Variants in HPSE2 observed in about 807,000 individuals in gnomAD.
HPSE2 encodes inactive heparanase-2.
HPSE2 carries 38 observed loss-of-function variants against 60.5 expected under a neutral mutation model. The ratio of observed to expected loss-of-function variants is 0.63; its 90% confidence interval spans 0.48 to 0.82. The LOEUF (loss-of-function observed/expected upper bound fraction) is 0.82. Ranked by LOEUF, HPSE2 falls within the 40% of genes least tolerant of loss-of-function variation. The pLI, the probability that HPSE2 is intolerant of heterozygous loss-of-function variation, is 0.00. For synonymous variants in HPSE2, 295 were observed against 293.2 expected, an observed-to-expected ratio of 1.01 and a Z score of -0.06; for missense variants, 713 against 740.4, an observed-to-expected ratio of 0.96 and a Z score of 0.43.
chr10:98,530,856 G>C (rs1212493841), intron 9 of HPSE2, among the ~76,000 whole-genome samples: 1 of 152,128 alleles, frequency 6.6e-6, no homozygotes, highest in African/African-American at 2.4e-5. Context: ...ACTCCAGGAG[G>C]AGCGAGTAGA....
intron 3 of HPSE2, among the ~76,000 whole-genome samples, chr10:98,960,395 T>C (rs533213692): frequency 6.6e-6 from 1 of 152,264 alleles, no homozygotes; most frequent in Admixed American, 6.5e-5. Context: ...AACTGAATTG[T>C]TTTTCCATTT....
intron 2 of HPSE2, among the ~76,000 whole-genome samples, chr10:99,229,684 T>C (rs1849584456): frequency 6.6e-6 from 1 of 152,180 alleles, no homozygotes; most frequent in Non-Finnish European, 1.5e-5. Flanking sequence ...AATTCCATTT[T>C]CTCTTCACTG....
At chr10:99,058,927 A>G (rs1958173102) in intron 3 of HPSE2, among the ~76,000 whole-genome samples, 1 of 152,178 alleles carries the variant, frequency 6.6e-6, no homozygotes, top group South Asian at 2.1e-4. Flanking sequence ...AGGCTTTGTG[A>G]GCCATATGGG....
At chr10:98,544,062 T>C (rs978237457) in intron 9 of HPSE2, among the ~76,000 whole-genome samples, 8 of 151,394 alleles carry the variant, frequency 5.3e-5, no homozygotes, top group Non-Finnish European at 8.8e-5. Context: ...TATTCCAAAA[T>C]TGACCACATA....
At chr10:99,225,785 T>C (rs1223479731) in intron 2 of HPSE2, among the ~76,000 whole-genome samples, 3 of 152,042 alleles carry the variant, frequency 2.0e-5, no homozygotes, top group Non-Finnish European at 2.9e-5. Flanking sequence ...AATTCCATTT[T>C]ACTATGCCTA....
At chr10:98,734,275 C>T (rs1949296217) in intron 4 of HPSE2, among the ~76,000 whole-genome samples, 1 of 152,090 alleles carries the variant, frequency 6.6e-6, no homozygotes, top group African/African-American at 2.4e-5. Flanking sequence ...AGGTTGTTTC[C>T]ACTTTTTTTG....
chr10:98,989,397 C>G (rs1211595024), intron 3 of HPSE2, among the ~76,000 whole-genome samples: 16 of 148,586 alleles, frequency 1.1e-4, no homozygotes, highest in Admixed American at 8.3e-4. Context: ...ATCGCAAGGA[C>G]AAAAAACCAA....
chr10:98,687,252 G>C (rs1047724993), intron 6 of HPSE2, among the ~76,000 whole-genome samples: 2 of 152,094 alleles, frequency 1.3e-5, no homozygotes, highest in Non-Finnish European at 2.9e-5. Context: ...TCTTTCTTTT[G>C]GAGATGCTAA....
intron 3 of HPSE2, among the ~76,000 whole-genome samples, chr10:98,803,377 T>C (rs1206321499): frequency 6.6e-6 from 1 of 150,710 alleles, no homozygotes; most frequent in Non-Finnish European, 1.5e-5. Flanking sequence ...TTTGGTGTTT[T>C]AGACATGAAG....
intron 3 of HPSE2, among the ~76,000 whole-genome samples, chr10:98,982,374 G>A (rs934971456): frequency 4.6e-5 from 7 of 152,146 alleles, no homozygotes; most frequent in Non-Finnish European, 8.8e-5. Flanking sequence ...AGATCTAGGG[G>A]TAACAGAAAG....
intron 2 of HPSE2, among the ~76,000 whole-genome samples, chr10:99,171,117 T>TA (rs1196583054): frequency 6.6e-6 from 1 of 152,144 alleles, no homozygotes; most frequent in Admixed American, 6.5e-5. Flanking sequence ...AATATAATCA[T>TA]AAAAAACAGT....
chr10:99,184,522 C>CAAAAAAAAAAAAAAAAAAAAAA (rs200059066), intron 2 of HPSE2, among the ~76,000 whole-genome samples: 2 of 60,788 alleles, frequency 3.3e-5, no homozygotes, highest in Non-Finnish European at 5.2e-5. Flanking sequence ...GAGACTGTCT[C>CAAAAAAAAAAAAAAAAAAAAAA]AAAAAAAAAA....
At chr10:99,246,016 T>C in the HPSE2 span, among the ~76,000 whole-genome samples, 3 of 152,220 alleles carry the variant, frequency 2.0e-5, no homozygotes, top group African/African-American at 7.2e-5. Flanking sequence ...AAAACCAGAA[T>C]GATACCTATA....
intron 9 of HPSE2, among the ~76,000 whole-genome samples, chr10:98,604,024 C>CGTATTA (rs1945507606): frequency 6.6e-6 from 1 of 152,082 alleles, no homozygotes; most frequent in South Asian, 2.1e-4. Context: ...GCTTCCTCTC[C>CGTATTA]CCCCATACCT....
At chr10:98,622,685 G>A (rs1946104311) in intron 7 of HPSE2, among the ~76,000 whole-genome samples, 1 of 152,176 alleles carries the variant, frequency 6.6e-6, no homozygotes, top group Non-Finnish European at 1.5e-5. Flanking sequence ...ATTAAAGTGA[G>A]TATTATGATC....
chr10:99,255,165 A>T, the HPSE2 span, among the ~76,000 whole-genome samples: 1 of 152,202 alleles, frequency 6.6e-6, no homozygotes, highest in Non-Finnish European at 1.5e-5. Context: ...AAGGACAGAC[A>T]TTAGAAAAGT....
chr10:98,948,351 A>C (rs1317075181), intron 3 of HPSE2, among the ~76,000 whole-genome samples: 1 of 152,168 alleles, frequency 6.6e-6, no homozygotes, highest in Non-Finnish European at 1.5e-5. Flanking sequence ...AGAAAATTCA[A>C]ATGCTAATGG....
intron 3 of HPSE2, among the ~76,000 whole-genome samples, chr10:98,847,433 T>C (rs1298724583): frequency 6.6e-6 from 1 of 152,190 alleles, no homozygotes; most frequent in Non-Finnish European, 1.5e-5. Flanking sequence ...ACACAGGTAA[T>C]AAGTGGTTGA....
At chr10:98,707,861 A>T (rs568641219) in intron 5 of HPSE2, among the ~76,000 whole-genome samples, 31 of 152,312 alleles carry the variant, frequency 2.0e-4, no homozygotes, top group African/African-American at 7.2e-4. Context: ...GGAAGAAGCC[A>T]AGAAAATTTT....
Sources: allele counts gnomAD v4.1 joint callset (sites outside exome capture counted in the v4.1 genomes callset), GRCh38; gene constraint gnomAD v4.1.1; transcripts MANE v1.5; gene names NCBI Gene and HGNC (gene_info 2026-07-23, HGNC 2026-07-21).